MAP4K5: variants seen among roughly 807,000 people sequenced by gnomAD.
MAP4K5 encodes the protein MAPK/ERK kinase kinase kinase 5.
Under a neutral mutation model 135.6 loss-of-function variants are expected in MAP4K5, and 82 were observed. The observed-to-expected ratio is 0.60, with a 90% CI of 0.51 to 0.73. The LOEUF is 0.73. Ranked by LOEUF, MAP4K5 falls within the 30% of genes least tolerant of loss-of-function variation. The probability of loss-of-function intolerance (pLI) is 0.00; values close to 1 mark genes in which losing one functional copy is unlikely to be tolerated. For synonymous variants in MAP4K5, 347 were observed against 335.0 expected, an observed-to-expected ratio of 1.04 and a Z score of -0.39; for missense variants, 907 against 1,010.9, an observed-to-expected ratio of 0.90 and a Z score of 1.39.
At chr14:50,475,008 G>C in intron 9 of MAP4K5, 69 bp downstream of exon 9, 1 of 1,245,344 alleles carries the variant, frequency 8.0e-7, no homozygotes, top group Non-Finnish European at 1.2e-6. Context: ...CTATTACCAA[G>C]TATCGAGGTT....
chr14:50,500,995 A>C (rs2037694110), intron 3 of MAP4K5, among the ~76,000 whole-genome samples: 1 of 152,226 alleles, frequency 6.6e-6, no homozygotes, highest in South Asian at 2.1e-4. Flanking sequence ...GAGAATGGAA[A>C]GGAAATGGCA....
chr14:50,480,412 T>A (rs78556113), intron 6 of MAP4K5, among the ~76,000 whole-genome samples: 2,112 of 151,566 alleles, frequency 0.014, 22 homozygotes, highest in Middle Eastern at 0.041. Context: ...TCTTTTTTTT[T>A]TTTTTGGTAC....
intron 1 of MAP4K5, among the ~76,000 whole-genome samples, chr14:50,546,292 T>A (rs570611433): frequency 3.9e-4 from 59 of 152,328 alleles, no homozygotes; most frequent in African/African-American, 1.4e-3. Context: ...ATGATATGGA[T>A]CCAGTTATCC....
chr14:50,554,816 G>A (rs1444823788), intron 1 of MAP4K5, among the ~76,000 whole-genome samples: 2 of 152,144 alleles, frequency 1.3e-5, no homozygotes, highest in African/African-American at 4.8e-5. Context: ...CGCTGGGCTG[G>A]ACTCGTCTGA....
At chr14:50,530,765 T>A (rs1252440817) in intron 2 of MAP4K5, among the ~76,000 whole-genome samples, 1 of 152,148 alleles carries the variant, frequency 6.6e-6, no homozygotes. Context: ...CAAATGCTTG[T>A]TTAAGCAATA....
At chr14:50,444,459 G>T (rs2036297625) in intron 18 of MAP4K5, among the ~76,000 whole-genome samples, 1 of 151,972 alleles carries the variant, frequency 6.6e-6, no homozygotes, top group African/African-American at 2.4e-5. Flanking sequence ...TTAACATCCT[G>T]CAAGAAGGAC....
chr14:50,525,466 C>T (rs1002628555), intron 2 of MAP4K5, among the ~76,000 whole-genome samples: 1 of 152,106 alleles, frequency 6.6e-6, no homozygotes, highest in Non-Finnish European at 1.5e-5. Context: ...CCGGATTATT[C>T]GGGAACTGGT....
intron 28 of MAP4K5, among the ~76,000 whole-genome samples, chr14:50,433,324 T>C (rs1441777671): frequency 2.0e-5 from 3 of 152,210 alleles, no homozygotes; most frequent in South Asian, 2.1e-4. Context: ...ATAAAGAGTA[T>C]GTTTTATAGA....
chr14:50,520,763 C>T (rs10139934), intron 2 of MAP4K5, among the ~76,000 whole-genome samples: 101,488 of 151,272 alleles, frequency 0.67, 35,918 homozygotes, highest in Middle Eastern at 0.81. Flanking sequence ...CAACCAAAAA[C>T]GGGACCGTTT....
At chr14:50,426,960 A>G (rs1412043791) in intron 30 of MAP4K5, among the ~76,000 whole-genome samples, 1 of 152,224 alleles carries the variant, frequency 6.6e-6, no homozygotes, top group Non-Finnish European at 1.5e-5. Flanking sequence ...TAATGTAAGA[A>G]TGTTCTGGGA....
In MAP4K5 at chr14:50,487,600, T is replaced by G. The variant is rs546192599; in HGVS notation, c.167-1406A>C. Among the ~76,000 whole-genome samples the G allele has an allele frequency of 3.3e-5, 5 of 152,320 alleles. No individual in the cohort carries two copies. In the South Asian group the frequency reaches 1.0e-3, roughly 32 times the overall value. On this transcript the variant is annotated intron_variant, in intron 3 of 32. Coordinates refer to ENST00000682126, the MANE Select transcript of MAP4K5 (RefSeq NM_006575.6). ...TGGTTACGTATACCTTAAACATAAG[T>G]GTACGAATGGCTACTTGTTACAATT... is the stretch of plus-strand genomic sequence containing the variant.
intron 14 of MAP4K5, among the ~76,000 whole-genome samples, chr14:50,451,575 T>C (rs1000513339): frequency 6.6e-6 from 1 of 152,152 alleles, no homozygotes; most frequent in Non-Finnish European, 1.5e-5. Context: ...TCATATCTTT[T>C]TTTAAAAACT....
At chr14:50,459,093 A>G (rs2036654610) in intron 13 of MAP4K5, among the ~76,000 whole-genome samples, 1 of 152,174 alleles carries the variant, frequency 6.6e-6, no homozygotes, top group Admixed American at 6.5e-5. Context: ...GATTACAGGC[A>G]TTAGCCATCA....
chr14:50,478,217 T>C (rs575042925), intron 6 of MAP4K5, among the ~76,000 whole-genome samples: 17 of 152,282 alleles, frequency 1.1e-4, no homozygotes, highest in African/African-American at 3.8e-4. Flanking sequence ...TGTCTTGTTA[T>C]CTAATATTTG....
rs751431773 is a variant in MAP4K5 at position 50,462,780 on chromosome 14, T to G, written c.821A>C (p.His274Pro). Residue 274 changes from histidine to proline, a missense_variant and splice_region_variant, in exon 13 of 33, where the codon CAC becomes CCC. This residue lies in a region of MAP4K5 where 690 missense variants were observed against 777.4 expected (regional missense o/e 0.89). Transcript: ENST00000682126. ...GAGACCTGGCTGTGCAACAAAAGTG[T>G]GCTAAAAGACAACAAAATGAAATTT... ...KRPTAERLLT[H>P]TFVAQPGLSR... 6.3e-7 allele frequency: 1 copy of G among 1,592,480 alleles called. No individual in the cohort carries two copies. Among genetic ancestry groups the G allele is most frequent in the Admixed American group, 1.7e-5 (1 of 59,500 alleles).
chr14:50,487,799 T>C (rs2037398431), intron 3 of MAP4K5, among the ~76,000 whole-genome samples: 2 of 152,164 alleles, frequency 1.3e-5, no homozygotes, highest in African/African-American at 4.8e-5. Context: ...CTTTCTGTGT[T>C]CACTCGCGGG....
chr14:50,463,914 A>G (rs1441008480), intron 12 of MAP4K5, 138 bp downstream of exon 12: 2 of 237,690 alleles, frequency 8.4e-6, no homozygotes, highest in Non-Finnish European at 1.5e-5. Context: ...AAAAAAAAAA[A>G]AAAAAAAAAA....
intron 2 of MAP4K5, among the ~76,000 whole-genome samples, chr14:50,505,635 A>G (rs1205274282): frequency 6.6e-6 from 1 of 152,198 alleles, no homozygotes; most frequent in Admixed American, 6.5e-5. Context: ...ACCTAGACAT[A>G]CAATTGTGAG....
intron 2 of MAP4K5, among the ~76,000 whole-genome samples, chr14:50,516,320 G>A (rs965848567): frequency 6.6e-6 from 1 of 152,160 alleles, no homozygotes; most frequent in African/African-American, 2.4e-5. Context: ...GGCGGGGAGA[G>A]GGATACAGAT....
Sources: gnomAD v4.1 joint callset for allele counts (sites outside exome capture counted in the v4.1 genomes callset) on GRCh38, gnomAD v4.1.1 for gene constraint, gnomAD v4.1.1 regional missense constraint, MANE v1.5 for transcripts, NCBI Gene and HGNC (gene_info 2026-07-23, HGNC 2026-07-21) for gene names.